Variants in FAAP100 observed in about 807,000 individuals in gnomAD.
FAAP100 encodes FA core complex associated protein 100.
In FAAP100, 46 loss-of-function variants were observed where a neutral mutation model predicts 65.8. That is an observed-to-expected ratio of 0.70 (90% confidence interval 0.55 to 0.89). The LOEUF (loss-of-function observed/expected upper bound fraction) is 0.89. Ranked by LOEUF, FAAP100 falls within the 40% of genes least tolerant of loss-of-function variation. FAAP100 has a pLI of 0.00. For synonymous variants in FAAP100, 663 were observed against 555.1 expected, an observed-to-expected ratio of 1.19 and a Z score of -2.73; for missense variants, 1,165 against 1,196.7, an observed-to-expected ratio of 0.97 and a Z score of 0.39.
rs1288532318 is a variant in FAAP100, at chr17:81,547,666, T to A, written c.1416A>T (p.Leu472=). ...IGNISERVSF[L]KKAVDQRNKA... ...TGTTCCGCTGGTCAACCGCCTTCTT[T>A]AGAAAAGACACTCTGCGAAGGACAG... is the stretch of plus-strand genomic sequence containing the variant. The change falls in exon 5 of 9, where the codon CTA becomes CTT. Residue 472 remains leucine, a synonymous_variant. Coordinates refer to ENST00000327787, the MANE Select transcript of FAAP100 (RefSeq NM_025161.6). 1.2e-6 allele frequency: 2 copies of A among 1,610,244 alleles called. No individual in the cohort carries two copies. Among genetic ancestry groups the A allele is most frequent in the Middle Eastern group, 1.6e-4 (1 of 6,074 alleles).
chr17:81,550,289 C>CAGA lies in FAAP100; in HGVS notation c.1202_1204dup (p.Ile401_Cys402insPhe). The CAGA allele has an allele frequency of 1.2e-6, 2 of 1,611,402 alleles. No individual in the cohort carries two copies. The highest frequency in any genetic ancestry group is 1.7e-6 in the Non-Finnish European group (2 of 1,179,116). On this transcript the variant is annotated inframe_insertion, in exon 3 of 9. Coordinates refer to ENST00000327787, the MANE Select transcript of FAAP100 (RefSeq NM_025161.6). ...AGACGCGGACAGCGAGACGACACTGCAGATGTTCAGGCTGGCTGGGCACAG... is the reference window on the plus strand; with the variant it reads ...AGACGCGGACAGCGAGACGACACTGCAGAAGATGTTCAGGCTGGCTGGGCACAG...
chr17:81,550,399 G>C lies in FAAP100; in HGVS notation c.1095C>G (p.Asp365Glu), dbSNP rs779758461. The change falls in exon 3 of 9, where the codon GAC becomes GAG. Residue 365 changes from aspartate to glutamate, a missense_variant. Transcript: ENST00000327787. ...CCCGAGACAGATCCACCACACAGAG[G>C]TCAGAAGGGGTGCTGTGGTACACGC... ...GGRVYHSTPSDLCVVDLSRGS... is the reference protein window; with the variant it reads ...GGRVYHSTPSELCVVDLSRGS... The C allele has an allele frequency of 1.2e-6, 2 of 1,612,716 alleles. No homozygotes were observed. The highest frequency in any genetic ancestry group is 4.5e-5 in the East Asian group (2 of 44,868).
In FAAP100 at chr17:81,541,098, GGGACACGCAGCCTGGCCC is replaced by G. The variant is rs1280047125; in HGVS notation, c.2515-166_2515-149del. ...ACACTCATCCGGAACCTTAAAACAT[GGGACACGCAGCCTGGCCC>G]GGACACCCAGCCCCTCAAGTAGGAT... On this transcript the variant is annotated intron_variant, in intron 8 of 8. Transcript: ENST00000327787. The G allele has an allele frequency of 1.6e-5, 19 of 1,195,138 alleles. 1 individual carries two copies. Among genetic ancestry groups the G allele is most frequent in the Middle Eastern group, 2.3e-4 (1 of 4,292 alleles). The allele number at this position is 1,195,138 out of a possible 1,614,324, so 74.0% of individuals were successfully genotyped here. A position where few individuals can be genotyped will look rare whatever the true frequency, so the allele number is the denominator to read the frequency against.
intron 8 of FAAP100, 82 bp from the exon 9 acceptor site, chr17:81,541,032 G>A (rs192926726): frequency 6.1e-5 from 89 of 1,448,776 alleles, no homozygotes; most frequent in Admixed American, 3.0e-4. Flanking sequence ...CCCACCACTC[G>A]CAGGACCCTA....
chr17:81,547,087 G>A lies in FAAP100; in HGVS notation c.1995C>T (p.Ala665=), dbSNP rs1225980117. The A allele has an allele frequency of 1.3e-5, 20 of 1,534,238 alleles. No individual in the cohort carries two copies. Among genetic ancestry groups the A allele is most frequent in the Non-Finnish European group, 1.8e-5 (20 of 1,140,822 alleles). ...CTCGGGTGGGGCCGAGTGGGGAGGG[G>A]GCCCGTGTGTGTGGCGGGGCCAGGC... The part of the protein sequence containing the change: ...FPGLAPPHTR[A]PSPLGPTRDP... The change falls in exon 5 of 9, where the codon GCC becomes GCT. Residue 665 remains alanine, a synonymous_variant. Coordinates refer to ENST00000327787, the MANE Select transcript of FAAP100 (RefSeq NM_025161.6).
intron 6 of FAAP100, among the ~76,000 whole-genome samples, chr17:81,544,669 C>T (rs1205622105): frequency 6.6e-6 from 1 of 152,228 alleles, no homozygotes; most frequent in Admixed American, 6.5e-5. Flanking sequence ...GGCCAAGAGC[C>T]AGGAAGCCGG....
chr17:81,544,203 G>A, intron 6 of FAAP100, 83 bp from the exon 7 acceptor site: 2 of 1,169,154 alleles, frequency 1.7e-6, no homozygotes, highest in Non-Finnish European at 1.3e-6. Context: ...AGCCTCCCCA[G>A]CTGGCAGCAC....
At chr17:81,543,943 T>C (rs1344011733) in intron 7 of FAAP100, 61 bp downstream of exon 7, 11 of 1,461,650 alleles carry the variant, frequency 7.5e-6, no homozygotes, top group Non-Finnish European at 1.0e-5. Context: ...CAGGGTCCCA[T>C]GCAGGGACCT....
In FAAP100 at chr17:81,540,560, A is replaced by C. The variant is rs544202053; in HGVS notation, c.*259T>G. Reference sequence around the variant, plus strand: ...GTGCAGGGGCTGCGGCCGCGGTCAGAGAAGGAGAGACACCAGCAGAGGACG... The same window carrying C: ...GTGCAGGGGCTGCGGCCGCGGTCAGCGAAGGAGAGACACCAGCAGAGGACG... On this transcript the variant is annotated 3_prime_UTR_variant, in exon 9 of 9. Coordinates refer to ENST00000327787, the MANE Select transcript of FAAP100 (RefSeq NM_025161.6). 627 of 449,844 alleles carry C rather than the reference A, an allele frequency of 1.4e-3. 1 individual carries two copies. The highest frequency in any genetic ancestry group is 2.0e-3 in the Non-Finnish European group (519 of 258,516). 27.9% of individuals were successfully genotyped at this position (449,844 alleles called of 1,614,324 possible).
intron 7 of FAAP100, among the ~76,000 whole-genome samples, chr17:81,541,777 T>G (rs78336124): frequency 0.033 from 5,085 of 152,174 alleles, 267 homozygotes; most frequent in African/African-American, 0.12. Context: ...GGGAGCTGCC[T>G]CGGCGTCTTG....
intron 2 of FAAP100, 173 bp downstream of exon 2, chr17:81,551,755 G>A: frequency 7.3e-7 from 1 of 1,366,216 alleles, no homozygotes; most frequent in Non-Finnish European, 9.4e-7. Context: ...CAAGACACTT[G>A]CAGAAAGAGT....
chr17:81,546,855 TAAAAAA>T, intron 5 of FAAP100, 48 bp downstream of exon 5: 5 of 1,211,722 alleles, frequency 4.1e-6, no homozygotes, highest in Non-Finnish European at 5.3e-6. Flanking sequence ...TCCTGTCTCT[TAAAAAA>T]AAAAAAAAAA....
chr17:81,550,365 G>C lies in FAAP100; in HGVS notation c.1129C>G (p.Pro377Ala), dbSNP rs760085498. The C allele has an allele frequency of 5.0e-6, 8 of 1,612,722 alleles. No individual in the cohort carries two copies. The highest frequency in any genetic ancestry group is 5.9e-6 in the Non-Finnish European group (7 of 1,180,012). The change falls in exon 3 of 9, where the codon CCG becomes GCG. Residue 377 changes from proline (P) to alanine (A), a missense_variant. Pro to Ala is a conservative substitution (Grantham distance 27). Transcript: ENST00000327787. Reference sequence around the variant, plus strand: ...TCTTCGGGCTGCTCAGGGCCCAGCGGGGTGCTTCCCCGAGACAGATCCACC... The same window carrying C: ...TCTTCGGGCTGCTCAGGGCCCAGCGCGGTGCTTCCCCGAGACAGATCCACC... The part of the protein sequence containing the change: ...CVVDLSRGST[P>A]LGPEQPEEGP...
rs1426540452 is a variant in FAAP100 at position 81,547,243 on chromosome 17, G to T, written c.1839C>A (p.Ala613=). The part of the protein sequence containing the change: ...FYSLREVVGG[A]LAPSDSEDPF... ...GGTCCTCAGAGTCTGAGGGGGCAAG[G>T]GCCCCGCCCACCACCTCCCTGAGAC... is the stretch of plus-strand genomic sequence containing the variant. The change falls in exon 5 of 9, where the codon GCC becomes GCA. Residue 613 remains alanine, a synonymous_variant. Coordinates refer to ENST00000327787, the MANE Select transcript of FAAP100 (RefSeq NM_025161.6). 6.3e-7 allele frequency: 1 copy of T among 1,589,022 alleles called. No homozygotes were observed. The highest frequency in any genetic ancestry group is 2.2e-5 in the East Asian group (1 of 44,516).
intron 6 of FAAP100, among the ~76,000 whole-genome samples, chr17:81,544,820 G>A (rs1025012129): frequency 6.6e-6 from 1 of 152,224 alleles, no homozygotes; most frequent in Non-Finnish European, 1.5e-5. Context: ...CATCAGGGCT[G>A]AAAGGGCTGT....
chr17:81,547,183 G>A lies in FAAP100; in HGVS notation c.1899C>T (p.Pro633=), dbSNP rs150752287. 253 of 1,552,302 alleles carry A rather than the reference G, an allele frequency of 1.6e-4. No individual in the cohort carries two copies. The African/African-American group carries it at 2.6e-3, about 16-fold the overall frequency. ...FLDECPSDVL[P]EQEGVCLPLS... ...GGGGCAGGCAAACACCCTCTTGCTC[G>A]GGCAGGACGTCGGAGGGGCACTCAT... is the stretch of plus-strand genomic sequence containing the variant. Residue 633 remains proline (P), a synonymous_variant, in exon 5 of 9, where the codon CCC becomes CCT. Coordinates refer to ENST00000327787, the MANE Select transcript of FAAP100 (RefSeq NM_025161.6).
chr17:81,546,866 A>AG (rs202032434), intron 5 of FAAP100, 43 bp downstream of exon 5: 133,801 of 1,341,266 alleles, frequency 0.1, 4,002 homozygotes, highest in Middle Eastern at 0.14. Context: ...AAAAAAAAAA[A>AG]AAAAATCCCC....
Position 81,550,578 on chromosome 17 carries a change from C to T in FAAP100, c.916G>A (p.Asp306Asn). 1 of 1,612,908 alleles carries T rather than the reference C, an allele frequency of 6.2e-7. No homozygotes were observed. The highest frequency in any genetic ancestry group is 1.7e-5 in the Admixed American group (1 of 60,030). Residue 306 changes from aspartate (D) to asparagine (N), a missense_variant, in exon 3 of 9, where the codon GAT becomes AAT. Asp to Asn is a conservative substitution (Grantham distance 23). Transcript: ENST00000327787. ...EAAENFLPDE[D>N]VHCDCLVAFG... ...GCCACCAGGCAGTCACAGTGCACAT[C>T]CTCGTCAGGCAGAAAATTCTCTGCA...
At chr17:81,542,231 AT>A (rs58207629) in intron 7 of FAAP100, among the ~76,000 whole-genome samples, 1,972 of 78,140 alleles carry the variant, frequency 0.025, 57 homozygotes, top group Middle Eastern at 0.12. Flanking sequence ...ATATATATAT[AT>A]ATGAAATCAG....
Sources: allele counts gnomAD v4.1 joint callset (sites outside exome capture counted in the v4.1 genomes callset), GRCh38; gene constraint gnomAD v4.1.1; transcripts MANE v1.5; gene names NCBI Gene and HGNC (gene_info 2026-07-23, HGNC 2026-07-21).